The following DPP9 variants were observed in gnomAD, a reference collection of about 807,000 sequenced individuals.
DPP9 encodes dipeptidyl peptidase IV-related protein-2.
In DPP9, 50 loss-of-function variants were observed where a neutral mutation model predicts 110.7. That is an observed-to-expected ratio of 0.45 (90% CI 0.36 to 0.57). The LOEUF is 0.57. Among genes scored for constraint, DPP9 ranks in the 20% least tolerant of loss-of-function variants. The pLI is 0.00. For missense variants in DPP9, 1,022 were observed against 1,217.9 expected, an observed-to-expected ratio of 0.84 and a Z score of 2.39; for synonymous variants, 561 against 514.4, an observed-to-expected ratio of 1.09 and a Z score of -1.23.
At chr19:4,721,828 G>A (rs912633279) in intron 2 of DPP9, among the ~76,000 whole-genome samples, 2 of 152,182 alleles carry the variant, frequency 1.3e-5, no homozygotes, top group Non-Finnish European at 2.9e-5. Context: ...GAGATTTTAA[G>A]GGAAGAGGTT....
rs1390275105 is a variant in DPP9, at chr19:4,688,544, T to A, written c.1885+213A>T. Reference sequence around the variant, plus strand: ...GCCGGGTTCTGTGCAGTCCGGCCCTTTACTGCAGCTCGAACCCAGGACCGT... The same window carrying A: ...GCCGGGTTCTGTGCAGTCCGGCCCTATACTGCAGCTCGAACCCAGGACCGT... On this transcript the variant is annotated intron_variant, in intron 16 of 21. Transcript: ENST00000262960. 1.6e-5 allele frequency: 9 copies of A among 572,464 alleles called. No homozygotes were observed. In the Admixed American group the frequency reaches 2.2e-4, roughly 14 times the overall value. 35.5% of individuals were successfully genotyped at this position (572,464 alleles called of 1,614,324 possible).
chr19:4,702,786 C>G, intron 7 of DPP9, 70 bp from the exon 8 acceptor site: 4 of 747,786 alleles, frequency 5.3e-6, no homozygotes, highest in African/African-American at 2.5e-5. Flanking sequence ...GCCAGGGGCT[C>G]AAGGAGAGCA....
Position 4,684,100 on chromosome 19 carries a change from T to G in DPP9, c.2179-471A>C. 2 of 324,034 alleles carry G rather than the reference T, an allele frequency of 6.2e-6. No individual in the cohort carries two copies. The highest frequency in any genetic ancestry group is 4.0e-5 in the Admixed American group (1 of 24,956). The allele number at this position is 324,034 out of a possible 1,614,324, so 20.1% of individuals were successfully genotyped here. A position where few individuals can be genotyped will look rare whatever the true frequency, so the allele number is the denominator to read the frequency against. ...CCGTGCTGAGATCACTACTGCGGCC[T>G]TCAAGCGACTGATCCATGGGGCCCA... On this transcript the variant is annotated intron_variant, in intron 18 of 21. Coordinates refer to ENST00000262960, the MANE Select transcript of DPP9 (RefSeq NM_139159.5). This position sits in a 1 kb window ranked among gnomAD's most constrained non-coding sequence, Gnocchi z 4.8.
In DPP9 at chr19:4,676,740, C is replaced by A. The variant is rs2088880688; in HGVS notation, c.2587-84G>T. The A allele has an allele frequency of 2.5e-6, 3 of 1,208,450 alleles. No homozygotes were observed. The highest frequency in any genetic ancestry group is 2.6e-5 in the South Asian group (2 of 77,218). 74.9% of individuals were successfully genotyped at this position (1,208,450 alleles called of 1,614,324 possible). A position where few individuals can be genotyped will look rare whatever the true frequency, so the allele number is the denominator to read the frequency against. ...GCTCCTCCCTTATTCTGGCTCAGGG[C>A]ATCCGGGAAGGCGCAGGTGCTCTGA... is the stretch of plus-strand genomic sequence containing the variant. On this transcript the variant is annotated intron_variant, in intron 21 of 21. Transcript: ENST00000262960. This position sits in a 1 kb window ranked among gnomAD's most constrained non-coding sequence, Gnocchi z 4.0.
chr19:4,685,780 G>T lies in DPP9; in HGVS notation c.1886-9C>A. ...ATAATCCGGGGGGCAGCCTGCGGGA[G>T]ACAGGGCGGCTATCTGGCTGCCCGG... On this transcript the variant is annotated splice_polypyrimidine_tract_variant and intron_variant, in intron 16 of 21. Transcript: ENST00000262960. The surrounding 1 kb of genome is among the most constrained non-coding windows in gnomAD (Gnocchi z 5.8). The T allele has an allele frequency of 6.2e-7, 1 of 1,611,700 alleles. No homozygotes were observed. The highest frequency in any genetic ancestry group is 8.5e-7 in the Non-Finnish European group (1 of 1,179,566).
In DPP9 at chr19:4,676,779, G is replaced by A. The variant is rs1341097161; in HGVS notation, c.2587-123C>T. The A allele has an allele frequency of 2.6e-6, 2 of 762,492 alleles. No homozygotes were observed. Among genetic ancestry groups the A allele is most frequent in the East Asian group, 5.4e-5 (2 of 37,122 alleles). The allele number at this position is 762,492 out of a possible 1,614,324, so 47.2% of individuals were successfully genotyped here. ...CAGGTGCTCTGAGGCCCAGTGATCT[G>A]GGTTTGAATCCCACCTCGGCTGTTG... On this transcript the variant is annotated intron_variant, in intron 21 of 21. Transcript: ENST00000262960. This position sits in a 1 kb window ranked among gnomAD's most constrained non-coding sequence, Gnocchi z 4.0.
At position 4,704,184 on chromosome 19, in the gene DPP9, G is replaced by T; in HGVS notation, c.547C>A (p.Gln183Lys). 1 of 1,614,034 alleles carries T rather than the reference G, an allele frequency of 6.2e-7. No individual in the cohort carries two copies. Among genetic ancestry groups the T allele is most frequent in the Non-Finnish European group, 8.5e-7 (1 of 1,179,896 alleles). ...CAGTGGAAGAGGCTGTTGCTGGCCT[G>T]GAAGAGGAAGAGGCCACTCTCGCTG... ...FHSESGLFLFQASNSLFHCRD... is the reference protein window; with the variant it reads ...FHSESGLFLFKASNSLFHCRD... The change falls in exon 6 of 22, where the codon CAG becomes AAG. Residue 183 changes from glutamine (Q) to lysine (K), a missense_variant. By Grantham distance (53) the Gln-to-Lys change is moderately conservative. Coordinates refer to ENST00000262960, the MANE Select transcript of DPP9 (RefSeq NM_139159.5). The surrounding 1 kb of genome is among the most constrained non-coding windows in gnomAD (Gnocchi z 6.0).
chr19:4,709,127 C>A (rs986588190), intron 4 of DPP9, among the ~76,000 whole-genome samples: 2 of 152,088 alleles, frequency 1.3e-5, no homozygotes, highest in African/African-American at 4.8e-5. Context: ...ACTATGTTAG[C>A]CAGACTGGTC....
At chr19:4,723,386 G>A (rs1308550721) in intron 1 of DPP9, among the ~76,000 whole-genome samples, 1 of 152,190 alleles carries the variant, frequency 6.6e-6, no homozygotes, top group Non-Finnish European at 1.5e-5. Context: ...AGAGCCTGGT[G>A]GCCTGGGCAG....
chr19:4,683,473 C>A lies in DPP9; in HGVS notation c.2331+4G>T. 1 of 1,612,862 alleles carries A rather than the reference C, an allele frequency of 6.2e-7. No homozygotes were observed. The highest frequency in any genetic ancestry group is 1.1e-5 in the South Asian group (1 of 91,084). On this transcript the variant is annotated splice_donor_region_variant and intron_variant, in intron 19 of 21. Transcript: ENST00000262960. ...GGCTGAGGCCGGCCAGGGGTGGGAC[C>A]CACCTTGAACACCTGGGGCTTGTGG...
At chr19:4,681,842 CTTTTT>C (rs778786711) in intron 20 of DPP9, among the ~76,000 whole-genome samples, 1 of 115,714 alleles carries the variant, frequency 8.6e-6, no homozygotes. Context: ...CCCAGGCAGA[CTTTTT>C]TTTTTTTTTT....
chr19:4,703,835 G>A (rs779128317), intron 7 of DPP9, 51 bp downstream of exon 7: 23 of 1,553,210 alleles, frequency 1.5e-5, no homozygotes, highest in Admixed American at 3.8e-5. Flanking sequence ...GGCCTTTCTG[G>A]AAGCTGGCCA....
chr19:4,682,666 G>A lies in DPP9; in HGVS notation c.2474+30C>T, dbSNP rs577472949. The A allele has an allele frequency of 6.2e-7, 1 of 1,604,816 alleles. No homozygotes were observed. The highest frequency in any genetic ancestry group is 8.5e-7 in the Non-Finnish European group (1 of 1,176,326). ...GCCGGGGTGCAGGAGAAGCCCCGGGGAGGAGCGCAGGGCAGGGCAGTGGCC... is the reference window on the plus strand; with the variant it reads ...GCCGGGGTGCAGGAGAAGCCCCGGGAAGGAGCGCAGGGCAGGGCAGTGGCC... On this transcript the variant is annotated intron_variant, in intron 20 of 21. Coordinates refer to ENST00000262960, the MANE Select transcript of DPP9 (RefSeq NM_139159.5). This position sits in a 1 kb window ranked among gnomAD's most constrained non-coding sequence, Gnocchi z 7.1.
Position 4,688,852 on chromosome 19 carries a change from G to A in DPP9, c.1790C>T (p.Thr597Met), listed in dbSNP as rs747775957. 11 of 1,516,750 alleles carry A rather than the reference G, an allele frequency of 7.3e-6. No homozygotes were observed. The highest frequency in any genetic ancestry group is 5.3e-5 in the Admixed American group (2 of 38,020). The allele number at this position is 1,516,750 out of a possible 1,614,324, so 94.0% of individuals were successfully genotyped here. A position where few individuals can be genotyped will look rare whatever the true frequency, so the allele number is the denominator to read the frequency against. ...CTTGTAGACGTGCACGCAGGGCGGC[G>A]TGCTCACGCTGCTGTAGTGGCTGAC... ...MFVSHYSSVS[T>M]PPCVHVYKLS... Residue 597 changes from threonine (T) to methionine (M), a missense_variant, in exon 16 of 22, where the codon ACG (threonine) becomes ATG (methionine). This residue lies in a region of DPP9 where 810 missense variants were observed against 920.6 expected (regional missense o/e 0.88). Transcript: ENST00000262960.
chr19:4,683,058 C>T, intron 19 of DPP9: 4 of 1,499,090 alleles, frequency 2.7e-6, no homozygotes, highest in Non-Finnish European at 3.5e-6. Flanking sequence ...AGGTGCGGCC[C>T]CTCCCCGCCG....
At chr19:4,692,856 C>T (rs1422752079) in intron 13 of DPP9, among the ~76,000 whole-genome samples, 1 of 152,144 alleles carries the variant, frequency 6.6e-6, no homozygotes, top group Non-Finnish European at 1.5e-5. Flanking sequence ...AGACGCTTAG[C>T]CAGTAAGTCT....
In DPP9 at chr19:4,710,738, C is replaced by T. The variant is rs146895523; in HGVS notation, c.313+3343G>A. 6.6e-5 allele frequency among the ~76,000 whole-genome samples: 10 copies of T among 152,134 alleles called. No homozygotes were observed. The highest frequency in any genetic ancestry group is 9.7e-5 in the African/African-American group (4 of 41,412). On this transcript the variant is annotated intron_variant, in intron 4 of 21. Transcript: ENST00000262960. The surrounding 1 kb of genome is among the most constrained non-coding windows in gnomAD (Gnocchi z 5.6). ...TCAGGGGCTGGGGGGAGGCCTGCCC[C>T]GAGAACCTGGATGTGACGTGAGCTC...
chr19:4,698,934 G>A lies in DPP9; in HGVS notation c.1074+1282C>T, dbSNP rs189158920. On this transcript the variant is annotated intron_variant, in intron 10 of 21. Transcript: ENST00000262960. This position sits in a 1 kb window ranked among gnomAD's most constrained non-coding sequence, Gnocchi z 4.2. ...AACACTTTGGGAGGCCGAGGCGGGC[G>A]GATCACGAGGTCAGGAGATTGAGAC... Among the ~76,000 whole-genome samples, 766 of 152,110 alleles carry A rather than the reference G, an allele frequency of 5.0e-3. 19 individuals are homozygous for A. Among genetic ancestry groups the A allele is most frequent in the Admixed American group, 0.044 (677 of 15,268 alleles).
Position 4,676,127 on chromosome 19 carries a change from T to A in DPP9, c.*437A>T, listed in dbSNP as rs1190311161. 1.2e-5 allele frequency: 2 copies of A among 173,900 alleles called. No homozygotes were observed. The highest frequency in any genetic ancestry group is 2.4e-5 in the African/African-American group (1 of 41,732). The allele number at this position is 173,900 out of a possible 1,614,324, so 10.8% of individuals were successfully genotyped here. A position where few individuals can be genotyped will look rare whatever the true frequency, so the allele number is the denominator to read the frequency against. On this transcript the variant is annotated 3_prime_UTR_variant, in exon 22 of 22. Coordinates refer to ENST00000262960, the MANE Select transcript of DPP9 (RefSeq NM_139159.5). This position sits in a 1 kb window ranked among gnomAD's most constrained non-coding sequence, Gnocchi z 4.0. ...CCCCAAACAAAACACAAACATCAAG[T>A]TGGGGAGGCTGGCCGGGGGGGACAG...
Sources: gnomAD v4.1 joint callset for allele counts (sites outside exome capture counted in the v4.1 genomes callset) on GRCh38, gnomAD v4.1.1 for gene constraint, gnomAD v4.1.1 regional missense constraint, Gnocchi (gnomAD v3.1) non-coding constraint, MANE v1.5 for transcripts, NCBI Gene and HGNC (gene_info 2026-07-23, HGNC 2026-07-21) for gene names.